Variants in EAF2 observed in about 807,000 individuals in gnomAD.
EAF2 encodes ELL-associated factor 2.
In EAF2, 29 loss-of-function variants were observed where a neutral mutation model predicts 29.4. That is an observed-to-expected ratio of 0.99 (90% confidence interval 0.73 to 1.35). EAF2 has a LOEUF of 1.35. Ranked by LOEUF, EAF2 falls within the 40% of genes most tolerant of loss-of-function variation. The pLI, the probability that EAF2 is intolerant of heterozygous loss-of-function variation, is 0.00. For synonymous variants in EAF2, 103 were observed against 102.5 expected (o/e 1.00, Z -0.03); for missense variants, 292 against 312.0 (o/e 0.94, Z 0.48).
chr3:121,876,033 T>G (rs1414579528), intron 5 of EAF2, among the ~76,000 whole-genome samples: 1 of 151,900 alleles, frequency 6.6e-6, no homozygotes, highest in Non-Finnish European at 1.5e-5. Context: ...TCCTGAGAAT[T>G]TTCCAGAATT....
Position 121,847,127 on chromosome 3 carries a change from G to A in EAF2, c.201+2580G>A, listed in dbSNP as rs73181835. Reference sequence around the variant, plus strand: ...TTCTGTGTGATAAGTCCTATTCTAGGTAGCTGCCACTGGGAATACAGAAGT... The same window carrying A: ...TTCTGTGTGATAAGTCCTATTCTAGATAGCTGCCACTGGGAATACAGAAGT... On this transcript the variant is annotated intron_variant, in intron 2 of 5. Coordinates refer to ENST00000273668, the MANE Select transcript of EAF2 (RefSeq NM_018456.6). 4.6e-3 allele frequency among the ~76,000 whole-genome samples: 695 copies of A among 152,304 alleles called. 3 individuals are homozygous for A. Among genetic ancestry groups the A allele is most frequent in the Middle Eastern group, 6.8e-3 (2 of 294 alleles).
intron 1 of EAF2, among the ~76,000 whole-genome samples, chr3:121,841,453 C>T (rs1303690282): frequency 1.5e-5 from 2 of 134,478 alleles, no homozygotes; most frequent in African/African-American, 2.8e-5. Context: ...TACAGTGAGC[C>T]GAAATCGCGC....
chr3:121,865,996 T>G (rs1184819287), intron 4 of EAF2, among the ~76,000 whole-genome samples: 1 of 152,202 alleles, frequency 6.6e-6, no homozygotes, highest in East Asian at 1.9e-4. Flanking sequence ...TGAGACTGGA[T>G]CGCACCAATA....
chr3:121,862,682 CAA>C (rs1708854530), intron 4 of EAF2, among the ~76,000 whole-genome samples: 1 of 152,222 alleles, frequency 6.6e-6, no homozygotes, highest in Non-Finnish European at 1.5e-5. Context: ...CTCTATTCGT[CAA>C]AGTCGTTCTC....
At chr3:121,857,758 G>A (rs1343446339) in intron 4 of EAF2, among the ~76,000 whole-genome samples, 3 of 151,994 alleles carry the variant, frequency 2.0e-5, no homozygotes, top group African/African-American at 7.3e-5. Flanking sequence ...GTGGCATGTT[G>A]GTGTGCTGCA....
chr3:121,836,475 G>A (rs755542179), intron 1 of EAF2, among the ~76,000 whole-genome samples: 6 of 152,140 alleles, frequency 3.9e-5, no homozygotes, highest in Non-Finnish European at 7.4e-5. Context: ...CAAAGTAAAG[G>A]TATGAAGAAC....
intron 3 of EAF2, among the ~76,000 whole-genome samples, chr3:121,856,160 C>A (rs1340361687): frequency 6.6e-6 from 1 of 152,026 alleles, no homozygotes; most frequent in Non-Finnish European, 1.5e-5. Context: ...TATTATCATG[C>A]CTGTCTTAAG....
At position 121,886,496 on chromosome 3, in the gene EAF2, A is replaced by G; in HGVS notation, c.*108A>G. On this transcript the variant is annotated 3_prime_UTR_variant, in exon 6 of 6. Transcript: ENST00000273668. Reference sequence around the variant, plus strand: ...GAAATATGTCTTAACTTTTGATGATAAAAGAAATTAAATTTGATTCAGAAA... The same window carrying G: ...GAAATATGTCTTAACTTTTGATGATGAAAGAAATTAAATTTGATTCAGAAA... The G allele has an allele frequency of 1.9e-6, 1 of 517,276 alleles. No homozygotes were observed. Among genetic ancestry groups the G allele is most frequent in the Admixed American group, 4.1e-5 (1 of 24,434 alleles). The allele number at this position is 517,276 out of a possible 1,614,324, so 32.0% of individuals were successfully genotyped here. A position where few individuals can be genotyped will look rare whatever the true frequency, so the allele number is the denominator to read the frequency against.
chr3:121,853,569 C>G (rs1044872685), intron 2 of EAF2, among the ~76,000 whole-genome samples: 1 of 152,174 alleles, frequency 6.6e-6, no homozygotes, highest in Non-Finnish European at 1.5e-5. Context: ...CCACAAGTAG[C>G]TGGTACTACA....
At chr3:121,848,140 T>G (rs568455827) in intron 2 of EAF2, among the ~76,000 whole-genome samples, 1 of 152,196 alleles carries the variant, frequency 6.6e-6, no homozygotes, top group Non-Finnish European at 1.5e-5. Flanking sequence ...GTAAATACCT[T>G]TGTTATAATT....
chr3:121,840,361 C>A (rs569966832), intron 1 of EAF2, among the ~76,000 whole-genome samples: 84 of 150,618 alleles, frequency 5.6e-4, no homozygotes, highest in Middle Eastern at 3.4e-3. Context: ...TGTGGTGGCG[C>A]GTGCCTGTAA....
chr3:121,859,933 G>T (rs1708796037), intron 4 of EAF2, among the ~76,000 whole-genome samples: 1 of 152,190 alleles, frequency 6.6e-6, no homozygotes, highest in African/African-American at 2.4e-5. Flanking sequence ...AGATAATTGT[G>T]TGGTTTTTGT....
intron 2 of EAF2, among the ~76,000 whole-genome samples, chr3:121,848,881 C>A (rs181442324): frequency 2.4e-5 from 3 of 126,248 alleles, no homozygotes; most frequent in African/African-American, 9.6e-5. Context: ...TTTAAAAGCC[C>A]CCCCCCACAC....
At chr3:121,849,772 A>G (rs1025186787) in intron 2 of EAF2, among the ~76,000 whole-genome samples, 5 of 151,992 alleles carry the variant, frequency 3.3e-5, no homozygotes, top group Admixed American at 6.6e-5. Context: ...AGTCCATTAC[A>G]TTCTTGGGAC....
chr3:121,853,703 CTTG>C (rs1708671073), intron 2 of EAF2, among the ~76,000 whole-genome samples: 1 of 152,296 alleles, frequency 6.6e-6, no homozygotes, highest in Middle Eastern at 3.4e-3. Flanking sequence ...ATGTATTTAA[CTTG>C]TTCCTCTATT....
In EAF2 at chr3:121,835,280, G is replaced by A; in HGVS notation, c.-6G>A. ...GCGGAGTTAAAGTCAAAGCAGGAGA[G>A]TAATTATGAATAGCGCAGCGGGATT... On this transcript the variant is annotated 5_prime_UTR_variant, in exon 1 of 6. Transcript: ENST00000273668. 1 of 1,614,038 alleles carries A rather than the reference G, an allele frequency of 6.2e-7. No individual in the cohort carries two copies. The highest frequency in any genetic ancestry group is 8.5e-7 in the Non-Finnish European group (1 of 1,179,858).
chr3:121,878,586 T>C (rs917151055), intron 5 of EAF2, among the ~76,000 whole-genome samples: 16 of 152,246 alleles, frequency 1.1e-4, no homozygotes, highest in South Asian at 4.1e-4. Context: ...CTGGTAACCA[T>C]CATTCTACTC....
At chr3:121,842,919 T>C (rs1312046561) in intron 1 of EAF2, among the ~76,000 whole-genome samples, 2 of 152,224 alleles carry the variant, frequency 1.3e-5, no homozygotes, top group African/African-American at 4.8e-5. Context: ...ATCCTTTGAC[T>C]CTTCAGTTAT....
intron 4 of EAF2, among the ~76,000 whole-genome samples, chr3:121,864,367 C>T (rs548514682): frequency 1.2e-4 from 18 of 152,256 alleles, no homozygotes; most frequent in East Asian, 5.8e-4. Flanking sequence ...GAACCCTTGG[C>T]GATACAACGG....
Sources: allele counts gnomAD v4.1 joint callset (sites outside exome capture counted in the v4.1 genomes callset), GRCh38; gene constraint gnomAD v4.1.1; transcripts MANE v1.5; gene names NCBI Gene and HGNC (gene_info 2026-07-23, HGNC 2026-07-21).